The following PRMT8 variants were observed in gnomAD, a reference collection of about 807,000 sequenced individuals.
PRMT8 encodes the protein protein arginine methyltransferase 8, also known as protein arginine N-methyltransferase 8.
PRMT8 carries 7 observed loss-of-function variants against 47.1 expected under a neutral mutation model. That is an observed-to-expected ratio of 0.15 (90% CI 0.08 to 0.28). The LOEUF is 0.28. Ranked by LOEUF, PRMT8 falls within the 10% of genes least tolerant of loss-of-function variation. The pLI is 1.00. For synonymous variants in PRMT8, 188 were observed against 186.5 expected (o/e 1.01, Z -0.07); for missense variants, 237 against 505.4 (o/e 0.47, Z 5.09).
At chr12:3,381,696 G>T (rs1421726550) in intron 1 of PRMT8, among the ~76,000 whole-genome samples, 1 of 152,164 alleles carries the variant, frequency 6.6e-6, no homozygotes, top group Non-Finnish European at 1.5e-5. Context: ...ATTTGCAGGT[G>T]TAAGAAATAA....
chr12:3,527,615 G>A (rs1865967221), intron 1 of PRMT8, among the ~76,000 whole-genome samples: 1 of 151,922 alleles, frequency 6.6e-6, no homozygotes, highest in Non-Finnish European at 1.5e-5. Context: ...TGGCCTTTGT[G>A]CTATTGCTGT....
In PRMT8 at chr12:3,491,597, T is replaced by C; in HGVS notation, c.-29T>C. The C allele has an allele frequency of 6.2e-7, 1 of 1,608,758 alleles. No homozygotes were observed. Among genetic ancestry groups the C allele is most frequent in the South Asian group, 1.1e-5 (1 of 90,140 alleles). ...CAGCTCTCTCTCCTCCTCTACTATCTCGGTATCACCAAACCCTTGCCGGCT... is the reference window on the plus strand; with the variant it reads ...CAGCTCTCTCTCCTCCTCTACTATCCCGGTATCACCAAACCCTTGCCGGCT... On this transcript the variant is annotated 5_prime_UTR_variant, in exon 1 of 10. Transcript: ENST00000382622.
chr12:3,457,866 T>TTG (rs1864992859), intron 1 of PRMT8, among the ~76,000 whole-genome samples: 3 of 81,426 alleles, frequency 3.7e-5, no homozygotes, highest in East Asian at 3.2e-4. Flanking sequence ...TTTTTTTTTT[T>TTG]AAGACAGCGT....
At chr12:3,471,639 G>A (rs1465629697) in intron 1 of PRMT8, among the ~76,000 whole-genome samples, 2 of 151,590 alleles carry the variant, frequency 1.3e-5, no homozygotes, top group African/African-American at 4.9e-5. Context: ...ACTTCTGCTT[G>A]TTCATGGCTC....
chr12:3,581,617 T>C (rs1867067732), intron 7 of PRMT8, among the ~76,000 whole-genome samples: 1 of 152,232 alleles, frequency 6.6e-6, no homozygotes, highest in African/African-American at 2.4e-5. Flanking sequence ...ATTCAATTAG[T>C]TCTTGTTCCC....
At chr12:3,556,020 G>A (rs915278400) in intron 4 of PRMT8, among the ~76,000 whole-genome samples, 1 of 151,814 alleles carries the variant, frequency 6.6e-6, no homozygotes, top group African/African-American at 2.4e-5. Flanking sequence ...GGGCAACTGG[G>A]TGGATGGTGG....
chr12:3,537,093 C>T (rs1388437275), intron 1 of PRMT8, among the ~76,000 whole-genome samples: 1 of 152,188 alleles, frequency 6.6e-6, no homozygotes, highest in Non-Finnish European at 1.5e-5. Flanking sequence ...TACCAAACGG[C>T]CTTTCTAAAA....
At chr12:3,468,928 C>T (rs779128582) in intron 1 of PRMT8, 1 of 201,152 alleles carries the variant, frequency 5.0e-6, no homozygotes, top group Non-Finnish European at 9.9e-6. Flanking sequence ...GAAGGCTCCT[C>T]TCTCCAGTCC....
At chr12:3,515,342 A>C (rs56718697) in intron 1 of PRMT8, among the ~76,000 whole-genome samples, 3 of 152,116 alleles carry the variant, frequency 2.0e-5, no homozygotes, top group African/African-American at 7.2e-5. Context: ...GGCCAGTAGC[A>C]TCAGCGTCAC....
At chr12:3,509,191 C>T (rs995852257) in intron 1 of PRMT8, among the ~76,000 whole-genome samples, 4 of 152,182 alleles carry the variant, frequency 2.6e-5, no homozygotes, top group East Asian at 1.9e-4. Context: ...ATGACCCACT[C>T]CTCACCCGGG....
rs905459712 is a variant in PRMT8, at chr12:3,570,069, G to A, written c.712+505G>A. Among the ~76,000 whole-genome samples the A allele has an allele frequency of 6.6e-5, 10 of 152,178 alleles. No individual in the cohort carries two copies. The highest frequency in any genetic ancestry group is 3.8e-4 in the East Asian group (2 of 5,198). On this transcript the variant is annotated intron_variant, in intron 6 of 9. Transcript: ENST00000382622. The surrounding 1 kb of genome is among the most constrained non-coding windows in gnomAD (Gnocchi z 5.5). ...CTTTTGAGGAATAGATAGCAGAGGGGGTGGGAAAGAGTGGAGATTTTGCTT... is the reference window on the plus strand; with the variant it reads ...CTTTTGAGGAATAGATAGCAGAGGGAGTGGGAAAGAGTGGAGATTTTGCTT...
intron 1 of PRMT8, among the ~76,000 whole-genome samples, chr12:3,442,519 TCTC>T (rs1321601896): frequency 6.6e-6 from 1 of 152,138 alleles, no homozygotes; most frequent in African/African-American, 2.4e-5. Flanking sequence ...GGCTGCCTGT[TCTC>T]CTGGGATGGG....
chr12:3,554,751 T>C (rs1866495059), intron 4 of PRMT8, among the ~76,000 whole-genome samples: 1 of 152,164 alleles, frequency 6.6e-6, no homozygotes, highest in East Asian at 1.9e-4. Context: ...CAGGGAGTTC[T>C]GGCAGGTGGG....
intron 1 of PRMT8, among the ~76,000 whole-genome samples, chr12:3,461,529 A>C (rs992226456): frequency 3.9e-5 from 6 of 152,214 alleles, no homozygotes; most frequent in African/African-American, 1.4e-4. Flanking sequence ...AATAACTGCC[A>C]CTTGCCACTT....
intron 8 of PRMT8, among the ~76,000 whole-genome samples, chr12:3,584,222 T>C (rs930163372): frequency 2.6e-5 from 4 of 152,242 alleles, no homozygotes; most frequent in Middle Eastern, 3.2e-3. Context: ...CTTTCCTCTG[T>C]GCTCATGAGC....
At chr12:3,544,504 G>A (rs1333895437) in intron 2 of PRMT8, among the ~76,000 whole-genome samples, 1 of 152,174 alleles carries the variant, frequency 6.6e-6, no homozygotes, top group Admixed American at 6.6e-5. Flanking sequence ...AGTGCAGCTC[G>A]ACAGCAAATA....
chr12:3,536,326 A>G (rs1866117570), intron 1 of PRMT8, among the ~76,000 whole-genome samples: 1 of 152,070 alleles, frequency 6.6e-6, no homozygotes, highest in African/African-American at 2.4e-5. Flanking sequence ...CCAGTCATTT[A>G]TTTGTCCCCA....
chr12:3,435,662 C>G (rs913437053), intron 1 of PRMT8, among the ~76,000 whole-genome samples: 12 of 151,918 alleles, frequency 7.9e-5, no homozygotes, highest in Non-Finnish European at 1.5e-4. Context: ...GCTGGGACTA[C>G]AGGCACCTGC....
At chr12:3,415,810 C>G (rs1479963501) in intron 1 of PRMT8, among the ~76,000 whole-genome samples, 1 of 152,222 alleles carries the variant, frequency 6.6e-6, no homozygotes, top group Non-Finnish European at 1.5e-5. Context: ...GGCCACATGG[C>G]TTGCCATCGA....
Sources: gnomAD v4.1 joint callset for allele counts (sites outside exome capture counted in the v4.1 genomes callset) on GRCh38, gnomAD v4.1.1 for gene constraint, Gnocchi (gnomAD v3.1) non-coding constraint, MANE v1.5 for transcripts, NCBI Gene and HGNC (gene_info 2026-07-23, HGNC 2026-07-21) for gene names.